Variants in PROKR2 observed in about 807,000 individuals in gnomAD.
PROKR2 encodes the protein G protein-coupled receptor 73-like 1.
In PROKR2, 26 loss-of-function variants were observed where a neutral mutation model predicts 23.4. The observed-to-expected ratio is 1.11, with a 90% CI of 0.81 to 1.54. The LOEUF is 1.54. PROKR2 is among the 40% of genes most tolerant of loss of function. The pLI, the probability that PROKR2 is intolerant of heterozygous loss-of-function variation, is 0.00. For synonymous variants in PROKR2, 212 were observed against 201.2 expected (o/e 1.05, Z -0.45); for missense variants, 453 against 511.5 (o/e 0.89, Z 1.10).
Position 5,316,342 on chromosome 20 carries a change from G to A in PROKR2, c.-9+152C>T, listed in dbSNP as rs1469643877. 1 of 456,590 alleles carries A rather than the reference G, an allele frequency of 2.2e-6. No homozygotes were observed. The highest frequency in any genetic ancestry group is 4.4e-6 in the Non-Finnish European group (1 of 226,986). 28.3% of individuals were successfully genotyped at this position (456,590 alleles called of 1,614,324 possible). ...GGGATCTCCTGAAACCAACTCGCCT[G>A]CTTGGAGCCAGCCCCGACGCATATC... On this transcript the variant is annotated intron_variant, in intron 1 of 2. Transcript: ENST00000678254. This position sits in a 1 kb window ranked among gnomAD's most constrained non-coding sequence, Gnocchi z 5.0.
intron 2 of PROKR2, among the ~76,000 whole-genome samples, chr20:5,303,949 T>C (rs971129773): frequency 1.1e-4 from 16 of 152,024 alleles, no homozygotes; most frequent in Admixed American, 8.5e-4. Flanking sequence ...TTCACACTGA[T>C]GATGAGGAGG....
chr20:5,307,088 A>G (rs1253659060), intron 2 of PROKR2, among the ~76,000 whole-genome samples: 3 of 152,170 alleles, frequency 2.0e-5, no homozygotes, highest in Non-Finnish European at 4.4e-5. Context: ...AGATTCCAGG[A>G]GGATCCCGAG....
chr20:5,310,681 C>G (rs111820466), intron 2 of PROKR2, among the ~76,000 whole-genome samples: 1 of 47,902 alleles, frequency 2.1e-5, no homozygotes, highest in African/African-American at 6.7e-5. Context: ...TGGAAGAACT[C>G]TCTGTAGAGC....
At chr20:5,313,759 G>A in intron 2 of PROKR2, among the ~76,000 whole-genome samples, 153 bp downstream of exon 2, 1 of 152,210 alleles carries the variant, frequency 6.6e-6, no homozygotes, top group East Asian at 1.9e-4. Context: ...CACATCTGGG[G>A]GAACAGAACT....
At chr20:5,312,253 C>G (rs770306484) in intron 2 of PROKR2, among the ~76,000 whole-genome samples, 4 of 152,234 alleles carry the variant, frequency 2.6e-5, no homozygotes, top group Admixed American at 6.5e-5. Flanking sequence ...ATTACAGGCA[C>G]CCGCCACCAC....
chr20:5,302,239 T>G lies in PROKR2; in HGVS notation c.956A>C (p.Glu319Ala), dbSNP rs1170446948. 4.3e-6 allele frequency: 7 copies of G among 1,614,146 alleles called. No individual in the cohort carries two copies. Among genetic ancestry groups the G allele is most frequent in the Non-Finnish European group, 5.9e-6 (7 of 1,180,026 alleles). The part of the protein sequence containing the change: ...KHYLTAFYVV[E>A]CIAMSNSMIN... ...CATGCTGTTGCTCATGGCGATGCAC[T>G]CGACCACGTAGAAGGCAGTGAGGTA... The change falls in exon 3 of 3, where the codon GAG becomes GCG. Residue 319 changes from glutamate to alanine, a missense_variant. Glu to Ala is a moderately radical substitution (Grantham distance 107, BLOSUM62 -1). Transcript: ENST00000678254.
chr20:5,301,136 T>C lies in PROKR2; in HGVS notation c.*904A>G, dbSNP rs1391220164. 2.6e-5 allele frequency among the ~76,000 whole-genome samples: 4 copies of C among 152,236 alleles called. No individual in the cohort carries two copies. In the East Asian group the frequency reaches 7.7e-4, roughly 29 times the overall value. ...CTGTAACACACCTCCCATGATGCTG[T>C]AAACCACGCACTGACAAACTTATCG... On this transcript the variant is annotated 3_prime_UTR_variant, in exon 3 of 3. Transcript: ENST00000678254.
At chr20:5,310,162 G>A (rs942755267) in intron 2 of PROKR2, among the ~76,000 whole-genome samples, 6 of 152,212 alleles carry the variant, frequency 3.9e-5, no homozygotes, top group Non-Finnish European at 8.8e-5. Flanking sequence ...ATTGCACATT[G>A]TTTAAGCTAA....
At chr20:5,315,012 A>G (rs1365143738) in intron 1 of PROKR2, among the ~76,000 whole-genome samples, 1 of 152,226 alleles carries the variant, frequency 6.6e-6, no homozygotes, top group Non-Finnish European at 1.5e-5. Flanking sequence ...GTTCACTTTC[A>G]CATGGACAGA....
In PROKR2 at chr20:5,301,997, C is replaced by T; in HGVS notation, c.*43G>A. The T allele has an allele frequency of 6.4e-7, 1 of 1,557,932 alleles. No individual in the cohort carries two copies. The highest frequency in any genetic ancestry group is 8.8e-7 in the Non-Finnish European group (1 of 1,133,014). On this transcript the variant is annotated 3_prime_UTR_variant, in exon 3 of 3. Coordinates refer to ENST00000678254, the MANE Select transcript of PROKR2 (RefSeq NM_144773.4). ...AACTTGGTTGATGGTGGGTGATGCT[C>T]TGAGTACTGGACTGGGGTTTTCAAT...
chr20:5,314,406 C>T lies in PROKR2; in HGVS notation c.-8-29G>A, dbSNP rs552531450. 47 of 1,577,194 alleles carry T rather than the reference C, an allele frequency of 3.0e-5. No individual in the cohort carries two copies. The African/African-American group carries it at 3.1e-4, about 10-fold the overall frequency. On this transcript the variant is annotated intron_variant, in intron 1 of 2. Coordinates refer to ENST00000678254, the MANE Select transcript of PROKR2 (RefSeq NM_144773.4). ...CAAGAAAAGTGGTGTGAGGGAGGTGCGAGGGGTGAGGGTCCAGACCTTCTG... is the reference window on the plus strand; with the variant it reads ...CAAGAAAAGTGGTGTGAGGGAGGTGTGAGGGGTGAGGGTCCAGACCTTCTG...
At chr20:5,311,548 T>A (rs907765556) in intron 2 of PROKR2, among the ~76,000 whole-genome samples, 1 of 152,238 alleles carries the variant, frequency 6.6e-6, no homozygotes, top group Non-Finnish European at 1.5e-5. Context: ...CAGTGCTTAC[T>A]TTCTGTGACG....
At position 5,299,289 on chromosome 20, in the gene PROKR2, CA is replaced by C. The variant is rs1978907978; in HGVS notation, c.*2750del. ...TAATCACTGGAAAATCACAAATACA[CA>C]CTGATATTTACAAAAGTTTTTTCAG... On this transcript the variant is annotated 3_prime_UTR_variant, in exon 3 of 3. Transcript: ENST00000678254. 6.6e-6 allele frequency among the ~76,000 whole-genome samples: 1 copy of C among 152,088 alleles called. No homozygotes were observed.
In PROKR2 at chr20:5,302,170, T is replaced by C. The variant is rs748112834; in HGVS notation, c.1025A>G (p.Lys342Arg). Residue 342 changes from lysine (K) to arginine (R), a missense_variant, in exon 3 of 3, where the codon AAG (lysine) becomes AGG (arginine). Coordinates refer to ENST00000678254, the MANE Select transcript of PROKR2 (RefSeq NM_144773.4). ...CAGCAGCATCATCTTCTTGAAGTACTTCATGGTGTTGTTCTTGACCGTCAC... is the reference window on the plus strand; with the variant it reads ...CAGCAGCATCATCTTCTTGAAGTACCTCATGGTGTTGTTCTTGACCGTCAC... ...CFVTVKNNTM[K>R]YFKKMMLLHW... 4 of 1,614,074 alleles carry C rather than the reference T, an allele frequency of 2.5e-6. No individual in the cohort carries two copies. The African/African-American group carries it at 5.3e-5, about 22-fold the overall frequency.
chr20:5,303,555 C>G (rs774288824), intron 2 of PROKR2, among the ~76,000 whole-genome samples: 2 of 152,202 alleles, frequency 1.3e-5, no homozygotes, highest in African/African-American at 4.8e-5. Flanking sequence ...ATGAGCCACA[C>G]TGTCTTGGAG....
rs1306945253 is a variant in PROKR2 at position 5,300,571 on chromosome 20, T to C, written c.*1469A>G. Among the ~76,000 whole-genome samples the C allele has an allele frequency of 6.6e-6, 1 of 152,250 alleles. No individual in the cohort carries two copies. Among genetic ancestry groups the C allele is most frequent in the Non-Finnish European group, 1.5e-5 (1 of 68,038 alleles). ...GCACATTCACAAACCATGGCCTCAA[T>C]GGGCTCTCCCAACAGTCTTGCAAGG... On this transcript the variant is annotated 3_prime_UTR_variant, in exon 3 of 3. Coordinates refer to ENST00000678254, the MANE Select transcript of PROKR2 (RefSeq NM_144773.4).
intron 2 of PROKR2, among the ~76,000 whole-genome samples, chr20:5,305,039 G>GA (rs751841086): frequency 1.3e-5 from 2 of 152,218 alleles, no homozygotes; most frequent in African/African-American, 2.4e-5. Flanking sequence ...AAAGAATGTA[G>GA]AAAAAATCAG....
intron 2 of PROKR2, among the ~76,000 whole-genome samples, chr20:5,306,127 T>C (rs950833073): frequency 6.6e-6 from 1 of 152,182 alleles, no homozygotes; most frequent in Admixed American, 6.5e-5. Context: ...ACCTATACCT[T>C]TAAAATGGTT....
rs899872418 is a variant in PROKR2 at position 5,316,493 on chromosome 20, C to T, written c.-9+1G>A. 1 of 387,714 alleles carries T rather than the reference C, an allele frequency of 2.6e-6. No homozygotes were observed. The highest frequency in any genetic ancestry group is 5.2e-6 in the Non-Finnish European group (1 of 191,876). 24.0% of individuals were successfully genotyped at this position (387,714 alleles called of 1,614,324 possible). ...GGGACTGCAGGGATCTAAGCCCTTACCTGTCTCGGCGCCTCCTTTCTGTGC... is the reference window on the plus strand; with the variant it reads ...GGGACTGCAGGGATCTAAGCCCTTATCTGTCTCGGCGCCTCCTTTCTGTGC... On this transcript the variant is annotated splice_donor_variant, in intron 1 of 2. Coordinates refer to ENST00000678254, the MANE Select transcript of PROKR2 (RefSeq NM_144773.4). LOFTEE classifies it low-confidence loss of function (5UTR_SPLICE). This position sits in a 1 kb window ranked among gnomAD's most constrained non-coding sequence, Gnocchi z 5.0.
Sources: allele counts gnomAD v4.1 joint callset (sites outside exome capture counted in the v4.1 genomes callset), GRCh38; gene constraint gnomAD v4.1.1; non-coding constraint Gnocchi (gnomAD v3.1); transcripts MANE v1.5; gene names NCBI Gene and HGNC (gene_info 2026-07-23, HGNC 2026-07-21).